Variants in SPIC observed in about 807,000 individuals in gnomAD.
SPIC encodes transcription factor Spi-C.
Under a neutral mutation model 16.7 loss-of-function variants are expected in SPIC, and 9 were observed. That is an observed-to-expected ratio of 0.54 (90% CI 0.33 to 0.94). The LOEUF is 0.94. Ranked by LOEUF, SPIC falls within the 40% of genes least tolerant of loss-of-function variation. SPIC has a pLI of 0.03. For synonymous variants in SPIC, 97 were observed against 102.9 expected (o/e 0.94, Z 0.35); for missense variants, 241 against 285.8 (o/e 0.84, Z 1.13).
chr12:101,486,288 G>A (rs954938146), intron 5 of SPIC, 56 bp from the exon 6 acceptor site: 1 of 1,520,916 alleles, frequency 6.6e-7, no homozygotes, highest in East Asian at 2.3e-5. Flanking sequence ...CCCTTTCTGA[G>A]GATGTTCTCG....
intron 4 of SPIC, among the ~76,000 whole-genome samples, chr12:101,480,210 T>C (rs2121252588): frequency 1.3e-5 from 2 of 152,312 alleles, no homozygotes; most frequent in South Asian, 4.1e-4. Flanking sequence ...CCCTTCATCA[T>C]TGCTCTCTAC....
chr12:101,479,170 GAAAA>G (rs1293765613), intron 3 of SPIC, among the ~76,000 whole-genome samples: 8 of 54,870 alleles, frequency 1.5e-4, no homozygotes, highest in East Asian at 1.4e-3. Flanking sequence ...AAGAAAGAAA[GAAAA>G]AGAAAGAAAG....
In SPIC at chr12:101,486,840, C is replaced by T. The variant is rs1873382556; in HGVS notation, c.*69C>T. 3.1e-5 allele frequency: 41 copies of T among 1,325,336 alleles called. No individual in the cohort carries two copies. The South Asian group carries it at 7.1e-4, about 23-fold the overall frequency. 82.1% of individuals were successfully genotyped at this position (1,325,336 alleles called of 1,614,324 possible). ...ACAAGTTTTAATGATTTCTCCCTCC[C>T]TCTCTTTTTTTCCTCCTCTGAAGAA... is the stretch of plus-strand genomic sequence containing the variant. On this transcript the variant is annotated 3_prime_UTR_variant, in exon 6 of 6. Coordinates refer to ENST00000551346, the MANE Select transcript of SPIC (RefSeq NM_152323.3).
chr12:101,480,133 G>A (rs1392084803), intron 4 of SPIC, among the ~76,000 whole-genome samples: 1 of 152,102 alleles, frequency 6.6e-6, no homozygotes, highest in Non-Finnish European at 1.5e-5. Context: ...GCTTTTTAAG[G>A]GCCATCAGCT....
At chr12:101,479,307 A>AAAAGAAAGAAAGAAAGAAAGAAAG (rs5800473) in intron 3 of SPIC, among the ~76,000 whole-genome samples, 8 of 88,214 alleles carry the variant, frequency 9.1e-5, no homozygotes, top group South Asian at 7.5e-4. Flanking sequence ...AAAGAAAGAA[A>AAAAGAAAGAAAGAAAGAAAGAAAG]AAAGAAAGAA....
At chr12:101,483,043 C>T in intron 5 of SPIC, 143 bp downstream of exon 5, 4 of 621,150 alleles carry the variant, frequency 6.4e-6, no homozygotes, top group Admixed American at 3.1e-5. Flanking sequence ...ACTCTGACTT[C>T]TTGAAACAGT....
chr12:101,479,797 T>A, intron 4 of SPIC, 103 bp downstream of exon 4: 1 of 741,254 alleles, frequency 1.3e-6, no homozygotes, highest in Non-Finnish European at 2.1e-6. Context: ...CAGCATTGAC[T>A]ATGAAAATGG....
At chr12:101,476,289 C>T (rs1013009947) in intron 1 of SPIC, among the ~76,000 whole-genome samples, 1 of 152,026 alleles carries the variant, frequency 6.6e-6, no homozygotes, top group African/African-American at 2.4e-5. Context: ...AAGTAAATAA[C>T]AAAATTATAG....
chr12:101,482,339 A>G (rs1873229160), intron 4 of SPIC, among the ~76,000 whole-genome samples: 1 of 149,894 alleles, frequency 6.7e-6, no homozygotes, highest in South Asian at 2.1e-4. Flanking sequence ...CAAACTGTTG[A>G]GATTACAGGC....
At chr12:101,479,376 G>A (rs1335766533) in intron 3 of SPIC, among the ~76,000 whole-genome samples, 1 of 151,584 alleles carries the variant, frequency 6.6e-6, no homozygotes, top group African/African-American at 2.4e-5. Flanking sequence ...GTTTCAGCCT[G>A]CAAGGAGCAT....
intron 1 of SPIC, among the ~76,000 whole-genome samples, chr12:101,475,926 G>A (rs1449648877): frequency 7.2e-6 from 1 of 138,770 alleles, no homozygotes; most frequent in Non-Finnish European, 1.7e-5. Flanking sequence ...AAAGAGCCAA[G>A]CAGAATTTTG....
intron 5 of SPIC, among the ~76,000 whole-genome samples, chr12:101,484,578 A>G (rs1873307599): frequency 6.6e-6 from 1 of 151,344 alleles, no homozygotes; most frequent in African/African-American, 2.4e-5. Flanking sequence ...ATAAATAGAT[A>G]GATAAATATA....
intron 5 of SPIC, 49 bp from the exon 6 acceptor site, chr12:101,486,295 C>T: frequency 6.5e-7 from 1 of 1,541,704 alleles, no homozygotes; most frequent in East Asian, 2.3e-5. Flanking sequence ...TGAGGATGTT[C>T]TCGGTTTACA....
At chr12:101,479,257 G>GAAAGAAAGAAAGAAA in intron 3 of SPIC, among the ~76,000 whole-genome samples, 1 of 87,662 alleles carries the variant, frequency 1.1e-5, no homozygotes, top group African/African-American at 4.8e-5. Context: ...AAAGAAAGAA[G>GAAAGAAAGAAAGAAA]GAAGGAAAGA....
chr12:101,483,002 A>G, intron 5 of SPIC, 102 bp downstream of exon 5: 2 of 972,144 alleles, frequency 2.1e-6, no homozygotes, highest in Non-Finnish European at 1.6e-6. Context: ...AATTTGCAAA[A>G]TATTCTTTTA....
At position 101,482,804 on chromosome 12, in the gene SPIC, G is replaced by T. The variant is rs1304017607; in HGVS notation, c.223G>T (p.Asp75Tyr). 2.5e-6 allele frequency: 4 copies of T among 1,613,702 alleles called. No individual in the cohort carries two copies. Among genetic ancestry groups the T allele is most frequent in the East Asian group, 2.2e-5 (1 of 44,890 alleles). ...NWRTVINSAA[D>Y]FYFEGNIHQS... ...ATTATTTATATAGAACAGTGCTGCG[G>T]ACTTCTATTTTGAAGGAAATATTCA... Residue 75 changes from aspartate (D) to tyrosine (Y), a missense_variant, in exon 5 of 6, where the codon GAC becomes TAC. Transcript: ENST00000551346.
Position 101,479,713 on chromosome 12 carries a change from C to A in SPIC, c.210+19C>A. 6.4e-7 allele frequency: 1 copy of A among 1,563,408 alleles called. No individual in the cohort carries two copies. The highest frequency in any genetic ancestry group is 2.2e-5 in the East Asian group (1 of 44,500). ...GGTAATTGTAAGTATCAGACCATCC[C>A]TTAATAACAGGCAAATATCCTATTC... On this transcript the variant is annotated intron_variant, in intron 4 of 5. Coordinates refer to ENST00000551346, the MANE Select transcript of SPIC (RefSeq NM_152323.3).
rs1208437586 is a variant in SPIC at position 101,479,282 on chromosome 12, GAAA to G, written c.98-297_98-295del. On this transcript the variant is annotated intron_variant, in intron 3 of 5. Coordinates refer to ENST00000551346, the MANE Select transcript of SPIC (RefSeq NM_152323.3). ...GGAAGGAAAGAAAGAAAGAAAGAAA[GAAA>G]AAGAAAGAAAGAAAGAAAGAAAAAA... 1.1e-3 allele frequency among the ~76,000 whole-genome samples: 56 copies of G among 50,968 alleles called. 4 individuals carry two copies. In the South Asian group the frequency reaches 0.014, roughly 12 times the overall value. 33.4% of individuals were successfully genotyped at this position (50,968 alleles called of 152,430 possible). A position where few individuals can be genotyped will look rare whatever the true frequency, so the allele number is the denominator to read the frequency against.
chr12:101,479,360 C>G (rs1057454939), intron 3 of SPIC, among the ~76,000 whole-genome samples: 1 of 133,534 alleles, frequency 7.5e-6, no homozygotes, highest in South Asian at 2.5e-4. Flanking sequence ...AGAAAGAAAT[C>G]ATGCGGTTTC....
Sources: allele counts gnomAD v4.1 joint callset (sites outside exome capture counted in the v4.1 genomes callset), GRCh38; gene constraint gnomAD v4.1.1; transcripts MANE v1.5; gene names NCBI Gene and HGNC (gene_info 2026-07-23, HGNC 2026-07-21).